The following RALGDS variants were observed in gnomAD, a reference collection of about 807,000 sequenced individuals.
The protein encoded by RALGDS is ral guanine nucleotide exchange factor.
A neutral mutation model predicts 99.8 loss-of-function variants in RALGDS; 44 were observed. The observed-to-expected ratio is 0.44, with a 90% CI of 0.35 to 0.57. The LOEUF is 0.57. RALGDS is among the 20% of genes least tolerant of loss of function. RALGDS has a pLI of 0.01. For missense variants in RALGDS, 1,022 were observed against 1,203.1 expected (o/e 0.85, Z 2.23); for synonymous variants, 529 against 505.0 (o/e 1.05, Z -0.64).
At chr9:133,129,370 G>T (rs377305031) in intron 1 of RALGDS, 1 of 1,503,396 alleles carries the variant, frequency 6.7e-7, no homozygotes, top group East Asian at 2.5e-5. Context: ...CCCTCTGCCA[G>T]TGTGCTCGTC....
At chr9:133,100,846 G>A (rs1157568002) in intron 16 of RALGDS, 7 of 1,065,898 alleles carry the variant, frequency 6.6e-6, no homozygotes, top group Non-Finnish European at 8.0e-6. Context: ...GGCGGAACTC[G>A]GACATAGGGC....
intron 8 of RALGDS, among the ~76,000 whole-genome samples, 153 bp from the exon 9 acceptor site, chr9:133,106,169 A>AG (rs1052003787): frequency 6.6e-6 from 1 of 151,692 alleles, no homozygotes; most frequent in Non-Finnish European, 1.5e-5. Context: ...AGGTCTGGGG[A>AG]GGGGGCCTTC....
intron 17 of RALGDS, chr9:133,098,984 T>A (rs1830621990): frequency 1.8e-6 from 1 of 558,098 alleles, no homozygotes; most frequent in African/African-American, 1.9e-5. Flanking sequence ...AAACAGGGAC[T>A]GACTCCAGAA....
intron 13 of RALGDS, 75 bp from the exon 14 acceptor site, chr9:133,102,646 G>A: frequency 1.9e-6 from 3 of 1,605,928 alleles, no homozygotes; most frequent in Non-Finnish European, 1.7e-6. Flanking sequence ...CCCAGAAGCT[G>A]GAGTCGGGGT....
At chr9:133,107,387 G>A (rs1280466272) in intron 6 of RALGDS, 87 bp from the exon 7 acceptor site, 9 of 1,194,394 alleles carry the variant, frequency 7.5e-6, no homozygotes, top group Non-Finnish European at 1.2e-6. Flanking sequence ...TGAGCCTTGT[G>A]GGGATCTCTG....
chr9:133,107,968 T>A lies in RALGDS; in HGVS notation c.1197+20A>T, dbSNP rs558775243. The A allele has an allele frequency of 1.4e-4, 220 of 1,612,712 alleles. 2 individuals carry two copies. The South Asian group carries it at 2.3e-3, about 17-fold the overall frequency. On this transcript the variant is annotated intron_variant, in intron 6 of 17. Coordinates refer to ENST00000372050, the MANE Select transcript of RALGDS (RefSeq NM_006266.4). Reference sequence around the variant, plus strand: ...CCAGAAGGCAGGCCCACCCCTGCCCTGCCAAGCTGAGCTGCTCACCGCATC... The same window carrying A: ...CCAGAAGGCAGGCCCACCCCTGCCCAGCCAAGCTGAGCTGCTCACCGCATC...
intron 9 of RALGDS, 120 bp downstream of exon 9, chr9:133,105,812 G>GCC: frequency 2.1e-6 from 1 of 475,780 alleles, no homozygotes; most frequent in Non-Finnish European, 3.6e-6. Flanking sequence ...GAATGCCACC[G>GCC]CCCGCCGCCC....
intron 1 of RALGDS, among the ~76,000 whole-genome samples, chr9:133,143,771 T>TAATAATAATAATAATAATAACAAC (rs1554745676): frequency 9.0e-6 from 1 of 111,624 alleles, no homozygotes; most frequent in African/African-American, 3.5e-5. Context: ...ATAATAATAA[T>TAATAATAATAATAATAATAACAAC]AACAACAACA....
chr9:133,107,014 C>T, intron 7 of RALGDS, 71 bp downstream of exon 7: 1 of 1,549,302 alleles, frequency 6.5e-7, no homozygotes, highest in South Asian at 1.1e-5. Flanking sequence ...TGTACAGGGC[C>T]TTGGACTGCA....
chr9:133,103,620 TG>T, intron 11 of RALGDS, 126 bp downstream of exon 11: 1 of 1,007,342 alleles, frequency 9.9e-7, no homozygotes, highest in Non-Finnish European at 1.6e-6. Flanking sequence ...TGGGCAGCCC[TG>T]GGGTGTCACC....
At chr9:133,138,392 A>G (rs578671) in intron 1 of RALGDS, among the ~76,000 whole-genome samples, 91,408 of 152,028 alleles carry the variant, frequency 0.6, 27,565 homozygotes, top group East Asian at 0.68. Context: ...GGCCTCTCCT[A>G]TCTGCCTCAC....
chr9:133,108,936 G>T (rs76521920), intron 4 of RALGDS, 70 bp from the exon 5 acceptor site: 4 of 1,457,460 alleles, frequency 2.7e-6, no homozygotes, highest in Admixed American at 1.9e-5. Flanking sequence ...CTCCTGAGCC[G>T]GCCCCTGTCC....
chr9:133,145,066 G>T (rs1376535485), intron 1 of RALGDS, among the ~76,000 whole-genome samples: 2 of 152,216 alleles, frequency 1.3e-5, no homozygotes, highest in African/African-American at 4.8e-5. Context: ...AAGATGCAAG[G>T]AAGTATCCTC....
rs111855488 is a variant in RALGDS at position 133,108,473 on chromosome 9, C to T, written c.779-67G>A. The T allele has an allele frequency of 2.4e-5, 36 of 1,480,214 alleles. 2 individuals are homozygous for T. The highest frequency in any genetic ancestry group is 1.5e-4 in the African/African-American group (11 of 71,870). The allele number at this position is 1,480,214 out of a possible 1,614,324, so 91.7% of individuals were successfully genotyped here. A position where few individuals can be genotyped will look rare whatever the true frequency, so the allele number is the denominator to read the frequency against. On this transcript the variant is annotated intron_variant, in intron 5 of 17. Transcript: ENST00000372050. The stretch of plus-strand genomic sequence containing the variant: ...GTGCCTTTCCAAAGACACAGAACAG[C>T]CCCGGCTTCCAGAGAAGCCTCTCTC...
At chr9:133,143,768 T>TAACAACAACAACAAC (rs1417707331) in intron 1 of RALGDS, among the ~76,000 whole-genome samples, 1 of 102,444 alleles carries the variant, frequency 9.8e-6, no homozygotes, top group African/African-American at 5.3e-5. Flanking sequence ...ATAATAATAA[T>TAACAACAACAACAAC]AATAACAACA....
At chr9:133,135,271 A>C (rs1292651031), upstream of RALGDS, among the ~76,000 whole-genome samples, 1 of 152,180 alleles carries the variant, frequency 6.6e-6, no homozygotes, top group African/African-American at 2.4e-5. Flanking sequence ...TGGGGAGAGA[A>C]AGGCAAAGAG....
rs1348688054 is a variant in RALGDS at position 133,141,056 on chromosome 9, A to G, written c.18+7907T>C. Among the ~76,000 whole-genome samples, 4 of 152,182 alleles carry G rather than the reference A, an allele frequency of 2.6e-5. No homozygotes were observed. In the East Asian group the frequency reaches 5.8e-4, roughly 22 times the overall value. On this transcript the variant is annotated intron_variant, in intron 1 of 17. Transcript: ENST00000393160. ...TGGGCACACCCCTTGCCCATTTGAC[A>G]GATGGGGCAAGGGAGGCTCAGAGGG...
At position 133,144,022 on chromosome 9, in the gene RALGDS, C is replaced by T. The variant is rs770049975; in HGVS notation, c.18+4941G>A. ...ACCCCCACCAGGAGCAGCAGGACCACCTCAGGCATCCCAGCTCCCCTGAGG... is the reference window on the plus strand; with the variant it reads ...ACCCCCACCAGGAGCAGCAGGACCATCTCAGGCATCCCAGCTCCCCTGAGG... On this transcript the variant is annotated intron_variant, in intron 1 of 17. Transcript: ENST00000393160. This position sits in a 1 kb window ranked among gnomAD's most constrained non-coding sequence, Gnocchi z 4.5. 3.2e-4 allele frequency among the ~76,000 whole-genome samples: 49 copies of T among 152,144 alleles called. No individual in the cohort carries two copies. Among genetic ancestry groups the T allele is most frequent in the Non-Finnish European group, 6.0e-4 (41 of 67,998 alleles).
In RALGDS at chr9:133,110,489, A is replaced by C; in HGVS notation, c.295T>G (p.Tyr99Asp). Residue 99 changes from tyrosine (Y) to aspartate (D), a missense_variant and splice_region_variant, in exon 3 of 18, where the codon TAT becomes GAT. Physicochemically the swap from Tyr to Asp is radical, Grantham distance 160. Around this residue, in one of 3 missense-constraint regions of RALGDS, gnomAD observed 180 missense variants for 169.3 expected, o/e 1.06. Transcript: ENST00000372050. ...AGGTTCAGGGCCGACTCATTCTCAT[A>C]CTGGGGTGGGACAGAGGAGGGACAG... Reference protein sequence around the residue: ...GGNKGQRWLGYENESALNLYE... With the variant: ...GGNKGQRWLGDENESALNLYE... 6.2e-7 allele frequency: 1 copy of C among 1,610,722 alleles called. No individual in the cohort carries two copies. Among genetic ancestry groups the C allele is most frequent in the Non-Finnish European group, 8.5e-7 (1 of 1,178,014 alleles).
Sources: allele counts gnomAD v4.1 joint callset (sites outside exome capture counted in the v4.1 genomes callset), GRCh38; gene constraint gnomAD v4.1.1; regional missense constraint gnomAD v4.1.1; non-coding constraint Gnocchi (gnomAD v3.1); transcripts MANE v1.5; gene names NCBI Gene and HGNC (gene_info 2026-07-23, HGNC 2026-07-21).